EPB41L5: variants seen among roughly 807,000 people sequenced by gnomAD.
EPB41L5 encodes band 4.1-like protein 5.
A neutral mutation model predicts 106.6 loss-of-function variants in EPB41L5; 55 were observed. The ratio of observed to expected loss-of-function variants is 0.52; its 90% CI spans 0.42 to 0.65. The LOEUF is 0.65. Ranked by LOEUF, EPB41L5 falls within the 30% of genes least tolerant of loss-of-function variation. The probability of loss-of-function intolerance (pLI) is 0.00; values close to 1 mark genes in which losing one functional copy is unlikely to be tolerated. For missense variants in EPB41L5, 871 were observed against 882.1 expected (o/e 0.99, Z 0.16); for synonymous variants, 297 against 306.7 (o/e 0.97, Z 0.33).
At chr2:120,160,062 TTAGAAAA>T (rs1270838877) in intron 20 of EPB41L5, among the ~76,000 whole-genome samples, 1 of 152,110 alleles carries the variant, frequency 6.6e-6, no homozygotes, top group Non-Finnish European at 1.5e-5. Context: ...GTGGAGCCTG[TTAGAAAA>T]TAGAGCACAG....
intron 16 of EPB41L5, among the ~76,000 whole-genome samples, chr2:120,102,930 T>C (rs1238592517): frequency 6.6e-6 from 1 of 152,188 alleles, no homozygotes. Flanking sequence ...ATAAACCTAA[T>C]TTAGTTTTCT....
chr2:120,047,131 C>T (rs923174168), intron 3 of EPB41L5, among the ~76,000 whole-genome samples: 4 of 152,098 alleles, frequency 2.6e-5, no homozygotes, highest in African/African-American at 9.7e-5. Flanking sequence ...TTAGGATTGT[C>T]TTGGCTATAT....
chr2:120,118,802 TG>T (rs1685074172), intron 16 of EPB41L5, among the ~76,000 whole-genome samples: 1 of 152,228 alleles, frequency 6.6e-6, no homozygotes, highest in African/African-American at 2.4e-5. Context: ...GATGGACATA[TG>T]CATGCATGTA....
chr2:120,050,230 G>T (rs1428708042), intron 3 of EPB41L5, among the ~76,000 whole-genome samples: 1 of 152,134 alleles, frequency 6.6e-6, no homozygotes, highest in Non-Finnish European at 1.5e-5. Context: ...GGTTGGGGAA[G>T]TTCTCCTGGA....
At chr2:120,052,845 C>T (rs1053385759) in intron 3 of EPB41L5, among the ~76,000 whole-genome samples, 13 of 152,122 alleles carry the variant, frequency 8.5e-5, no homozygotes, top group African/African-American at 3.1e-4. Flanking sequence ...CCATGAATAC[C>T]ATAACTTCAA....
chr2:120,098,206 TTTGTTG>T (rs879272833), intron 14 of EPB41L5, among the ~76,000 whole-genome samples: 22 of 82,410 alleles, frequency 2.7e-4, no homozygotes, highest in Non-Finnish European at 2.2e-4. Context: ...GGGGTGGGGT[TTTGTTG>T]TTGTTGTTGT....
At chr2:120,118,209 G>A (rs1685039019) in intron 16 of EPB41L5, among the ~76,000 whole-genome samples, 1 of 152,080 alleles carries the variant, frequency 6.6e-6, no homozygotes, top group African/African-American at 2.4e-5. Flanking sequence ...ATCTAATTTT[G>A]TTATTTTCCA....
chr2:120,090,554 A>T, intron 12 of EPB41L5, 38 bp downstream of exon 12: 1 of 1,565,176 alleles, frequency 6.4e-7, no homozygotes. Flanking sequence ...CTTTCATTGC[A>T]TACAGGCCAA....
chr2:120,142,171 C>A (rs540549174), intron 18 of EPB41L5, among the ~76,000 whole-genome samples: 1 of 149,252 alleles, frequency 6.7e-6, no homozygotes, highest in South Asian at 2.1e-4. Context: ...ACCATCTTGA[C>A]CATTTTTAAG....
rs569312473 is a variant in EPB41L5 at position 120,020,106 on chromosome 2, C to T, written c.180+842C>T. Among the ~76,000 whole-genome samples, 19 of 152,200 alleles carry T rather than the reference C, an allele frequency of 1.2e-4. No individual in the cohort carries two copies. In the South Asian group the frequency reaches 3.7e-3, roughly 30 times the overall value. On this transcript the variant is annotated intron_variant, in intron 2 of 24. Coordinates refer to ENST00000263713, the MANE Select transcript of EPB41L5 (RefSeq NM_020909.4). ...CAAATCTCTTTCTCATGTCTTTGTT[C>T]TGCATTCAAAGACTTAACGGTAAAT...
intron 2 of EPB41L5, among the ~76,000 whole-genome samples, chr2:120,022,635 G>A (rs1678016222): frequency 6.6e-6 from 1 of 152,090 alleles, no homozygotes; most frequent in Admixed American, 6.6e-5. Flanking sequence ...TAGTGCTGCA[G>A]TAATCATACA....
intron 24 of EPB41L5, among the ~76,000 whole-genome samples, chr2:120,171,075 C>G (rs186326826): frequency 9.8e-5 from 15 of 152,292 alleles, no homozygotes; most frequent in Admixed American, 8.5e-4. Flanking sequence ...GCAGCGTTCT[C>G]TGTGTGATAC....
intron 2 of EPB41L5, among the ~76,000 whole-genome samples, chr2:120,026,160 C>T (rs1010380786): frequency 6.6e-6 from 1 of 151,874 alleles, no homozygotes; most frequent in Admixed American, 6.6e-5. Flanking sequence ...AACTATAAAT[C>T]CTTAGAAAAA....
intron 1 of EPB41L5, among the ~76,000 whole-genome samples, chr2:120,018,658 A>G (rs1003620036): frequency 1.3e-5 from 2 of 148,630 alleles, no homozygotes; most frequent in Non-Finnish European, 3.0e-5. Context: ...TTATTTACTT[A>G]TTTTTTGAGA....
intron 20 of EPB41L5, among the ~76,000 whole-genome samples, chr2:120,157,656 G>A (rs1218578231): frequency 6.6e-6 from 1 of 151,438 alleles, no homozygotes; most frequent in Non-Finnish European, 1.5e-5. Context: ...GTTATCCCAG[G>A]TACTTCAGAC....
intron 18 of EPB41L5, among the ~76,000 whole-genome samples, chr2:120,137,767 C>G (rs1341267768): frequency 6.6e-6 from 1 of 151,964 alleles, no homozygotes; most frequent in Non-Finnish European, 1.5e-5. Context: ...TGAATTTTAC[C>G]AAATATTTAA....
chr2:120,149,512 C>T (rs1401341288), intron 20 of EPB41L5, among the ~76,000 whole-genome samples: 1 of 152,150 alleles, frequency 6.6e-6, no homozygotes, highest in Admixed American at 6.5e-5. Context: ...TGGCTTCTTT[C>T]ACTTAGCATA....
chr2:120,150,517 A>G (rs963660051), intron 20 of EPB41L5, among the ~76,000 whole-genome samples: 9 of 151,686 alleles, frequency 5.9e-5, no homozygotes, highest in Non-Finnish European at 1.3e-4. Context: ...ATTTTATTTT[A>G]TTTTTTTAGA....
chr2:120,102,719 C>G (rs1558876849), intron 16 of EPB41L5, among the ~76,000 whole-genome samples: 1 of 152,160 alleles, frequency 6.6e-6, no homozygotes, highest in East Asian at 1.9e-4. Context: ...AAGTCTTCAG[C>G]ATTTTTTTGC....
Sources: gnomAD v4.1 joint callset for allele counts (sites outside exome capture counted in the v4.1 genomes callset) on GRCh38, gnomAD v4.1.1 for gene constraint, MANE v1.5 for transcripts, NCBI Gene and HGNC (gene_info 2026-07-23, HGNC 2026-07-21) for gene names.